The following LGR6 variants were observed in gnomAD, a reference collection of about 807,000 sequenced individuals.
LGR6 encodes the protein leucine-rich repeat-containing G protein-coupled receptor 6.
In LGR6, 45 loss-of-function variants were observed where a neutral mutation model predicts 69.4. The observed-to-expected ratio is 0.65, with a 90% CI of 0.51 to 0.83. LGR6 has a LOEUF of 0.83. Ranked by LOEUF, LGR6 falls within the 40% of genes least tolerant of loss-of-function variation. The pLI, the probability that LGR6 is intolerant of heterozygous loss-of-function variation, is 0.00. For missense variants in LGR6, 1,108 were observed against 1,246.7 expected (o/e 0.89, Z 1.68); for synonymous variants, 538 against 555.0 (o/e 0.97, Z 0.43).
chr1:202,204,415 A>C (rs1181887836), intron 1 of LGR6, among the ~76,000 whole-genome samples: 3 of 83,308 alleles, frequency 3.6e-5, no homozygotes, highest in African/African-American at 4.7e-5. Flanking sequence ...AACACACACC[A>C]CACACACACC....
intron 5 of LGR6, among the ~76,000 whole-genome samples, chr1:202,280,007 C>T (rs1264990699): frequency 6.6e-6 from 1 of 152,158 alleles, no homozygotes. Flanking sequence ...GTTCCTGGTT[C>T]ATTAGTCATC....
intron 1 of LGR6, among the ~76,000 whole-genome samples, chr1:202,194,957 G>C (rs564857724): frequency 7.9e-5 from 12 of 152,322 alleles, no homozygotes; most frequent in African/African-American, 2.9e-4. Flanking sequence ...CCTACTGGGG[G>C]CAGCTGTCCT....
chr1:202,283,171 C>T (rs1156237057), intron 6 of LGR6, among the ~76,000 whole-genome samples: 4 of 152,210 alleles, frequency 2.6e-5, no homozygotes, highest in Non-Finnish European at 5.9e-5. Flanking sequence ...ACACTCCTTT[C>T]TCCTTTCCCA....
At chr1:202,297,737 G>A (rs1667270875) in intron 7 of LGR6, among the ~76,000 whole-genome samples, 161 bp downstream of exon 7, 2 of 129,066 alleles carry the variant, frequency 1.5e-5, no homozygotes, top group African/African-American at 6.0e-5. Flanking sequence ...AAGCCCCAAT[G>A]CAGCTCTAAG....
chr1:202,307,689 A>G (rs956176334), intron 14 of LGR6, among the ~76,000 whole-genome samples: 6 of 152,056 alleles, frequency 3.9e-5, no homozygotes, highest in Admixed American at 1.3e-4. Flanking sequence ...CATCCTCTCT[A>G]TCCACCAACA....
At chr1:202,195,176 CTGG>C (rs35625436) in intron 1 of LGR6, among the ~76,000 whole-genome samples, 121,569 of 151,946 alleles carry the variant, frequency 0.8, 48,971 homozygotes, top group South Asian at 0.94. Flanking sequence ...GTGGGAAAGC[CTGG>C]TGGGGCCTTC....
intron 1 of LGR6, among the ~76,000 whole-genome samples, chr1:202,205,494 C>CCCTCCAA: frequency 1.7e-5 from 1 of 58,940 alleles, no homozygotes; most frequent in Non-Finnish European, 3.6e-5. Context: ...AACACACACA[C>CCCTCCAA]ACCCTGCTTC....
At chr1:202,246,009 C>T (rs1378897836) in intron 4 of LGR6, among the ~76,000 whole-genome samples, 3 of 146,350 alleles carry the variant, frequency 2.0e-5, no homozygotes, top group Non-Finnish European at 4.5e-5. Context: ...CCCCATCCCT[C>T]CTTCCCTCTG....
rs1654359815 is a variant in LGR6 at position 202,318,595 on chromosome 1, G to A, written c.2292G>A (p.Glu764=). 2.5e-6 allele frequency: 4 copies of A among 1,614,038 alleles called. No homozygotes were observed. The highest frequency in any genetic ancestry group is 3.4e-6 in the Non-Finnish European group (4 of 1,180,018). The change falls in exon 18 of 18, where the codon GAG becomes GAA. Residue 764 remains glutamate (E), a synonymous_variant. Coordinates refer to ENST00000367278, the MANE Select transcript of LGR6 (RefSeq NM_001017403.2). ...GTGACCTGCCGCGGGGCGACTTTGA[G>A]GCCGTGTGGGACTGCGCCATGGTGA... ...LYCDLPRGDF[E]AVWDCAMVRH... is the part of the protein sequence containing the mutation.
At chr1:202,295,101 G>A (rs1013471115) in intron 6 of LGR6, among the ~76,000 whole-genome samples, 6 of 152,118 alleles carry the variant, frequency 3.9e-5, no homozygotes, top group Non-Finnish European at 8.8e-5. Flanking sequence ...GCCGAGGTGG[G>A]CAGATCACCT....
At chr1:202,304,188 C>A (rs749105507) in intron 10 of LGR6, among the ~76,000 whole-genome samples, 1 of 152,186 alleles carries the variant, frequency 6.6e-6, no homozygotes, top group South Asian at 2.1e-4. Flanking sequence ...CATGGACATC[C>A]CCTCCTCTAA....
intron 16 of LGR6, 81 bp from the exon 17 acceptor site, chr1:202,314,721 A>G: frequency 1.0e-6 from 1 of 956,878 alleles, no homozygotes; most frequent in Non-Finnish European, 1.7e-6. Context: ...GGACATCTTA[A>G]AGGAGGGGGC....
chr1:202,255,703 C>T (rs1663711153), intron 4 of LGR6, among the ~76,000 whole-genome samples: 1 of 152,194 alleles, frequency 6.6e-6, no homozygotes, highest in Non-Finnish European at 1.5e-5. Flanking sequence ...ACCACCCAGA[C>T]ACAATGCTTG....
chr1:202,214,118 G>C (rs760589808), intron 1 of LGR6: 57 of 1,454,440 alleles, frequency 3.9e-5, no homozygotes, highest in Admixed American at 1.6e-4. Context: ...GCGGGCACTG[G>C]ACCGCAGAAC....
chr1:202,282,103 G>C (rs954359963), intron 6 of LGR6, among the ~76,000 whole-genome samples: 1 of 152,158 alleles, frequency 6.6e-6, no homozygotes, highest in Non-Finnish European at 1.5e-5. Flanking sequence ...CAGCTTTGCC[G>C]GCATGCTCAC....
intron 1 of LGR6, among the ~76,000 whole-genome samples, chr1:202,199,542 C>T (rs1384720140): frequency 6.6e-6 from 1 of 152,316 alleles, no homozygotes; most frequent in Middle Eastern, 3.4e-3. Context: ...GAAAGCCTGG[C>T]TCAGAGCAGA....
chr1:202,275,365 C>G (rs1665459789), intron 4 of LGR6, among the ~76,000 whole-genome samples: 1 of 152,176 alleles, frequency 6.6e-6, no homozygotes. Context: ...GGCTCAGAGA[C>G]AGTAGCATGT....
intron 4 of LGR6, among the ~76,000 whole-genome samples, chr1:202,260,554 G>A (rs1235359289): frequency 6.6e-6 from 1 of 152,124 alleles, no homozygotes. Context: ...GGCTGGTCTC[G>A]AACTCCTGAC....
At chr1:202,289,183 G>GC (rs1457664764) in intron 6 of LGR6, among the ~76,000 whole-genome samples, 1 of 152,240 alleles carries the variant, frequency 6.6e-6, no homozygotes, top group Non-Finnish European at 1.5e-5. Flanking sequence ...TGAGGGCCAA[G>GC]CAGGGAAGTG....
Sources: allele counts gnomAD v4.1 joint callset (sites outside exome capture counted in the v4.1 genomes callset), GRCh38; gene constraint gnomAD v4.1.1; transcripts MANE v1.5; gene names NCBI Gene and HGNC (gene_info 2026-07-23, HGNC 2026-07-21).